Variants in LRRTM4 observed in about 807,000 individuals in gnomAD.
The protein encoded by LRRTM4 is leucine-rich repeat transmembrane neuronal protein 4.
Under a neutral mutation model 47.6 loss-of-function variants are expected in LRRTM4, and 25 were observed. The observed-to-expected ratio is 0.53, with a 90% CI of 0.38 to 0.73. LRRTM4 has a LOEUF of 0.73. Ranked by LOEUF, LRRTM4 falls within the 30% of genes least tolerant of loss-of-function variation. LRRTM4 has a pLI of 0.00. For synonymous variants in LRRTM4, 311 were observed against 269.5 expected (o/e 1.15, Z -1.51); for missense variants, 638 against 713.4 (o/e 0.89, Z 1.20).
intron 3 of LRRTM4, among the ~76,000 whole-genome samples, chr2:76,759,347 CT>C (rs1673170684): frequency 6.6e-6 from 1 of 152,178 alleles, no homozygotes; most frequent in Non-Finnish European, 1.5e-5. Context: ...AGACAATGAG[CT>C]GGACTCACGT....
chr2:76,851,887 C>G (rs1302276047), intron 3 of LRRTM4, among the ~76,000 whole-genome samples: 1 of 151,336 alleles, frequency 6.6e-6, no homozygotes, highest in African/African-American at 2.4e-5. Flanking sequence ...AAATTTTGAC[C>G]CTATTTGTTA....
intron 3 of LRRTM4, among the ~76,000 whole-genome samples, chr2:76,764,500 G>A (rs1436254889): frequency 9.2e-5 from 14 of 152,132 alleles, no homozygotes; most frequent in Middle Eastern, 3.4e-3. Flanking sequence ...GCGTGGTGGC[G>A]GGCGCCTATA....
At chr2:76,937,537 A>T (rs1476208263) in intron 3 of LRRTM4, among the ~76,000 whole-genome samples, 3 of 152,202 alleles carry the variant, frequency 2.0e-5, no homozygotes, top group East Asian at 1.9e-4. Flanking sequence ...GCAAGTTGAC[A>T]GGTAGATCTT....
chr2:77,462,752 A>G (rs1229689653), intron 3 of LRRTM4, among the ~76,000 whole-genome samples: 2 of 152,138 alleles, frequency 1.3e-5, no homozygotes, highest in Non-Finnish European at 2.9e-5. Flanking sequence ...CATCCACCCT[A>G]ATTAGCAATC....
intron 3 of LRRTM4, among the ~76,000 whole-genome samples, chr2:77,140,557 A>ATACCCT: frequency 6.7e-6 from 1 of 150,284 alleles, no homozygotes. Flanking sequence ...TTCAGGACAT[A>ATACCCT]GGCATGGGCA....
chr2:76,859,225 G>T (rs969472016), intron 3 of LRRTM4, among the ~76,000 whole-genome samples: 13 of 152,266 alleles, frequency 8.5e-5, no homozygotes, highest in Admixed American at 2.0e-4. Context: ...GAGTAGGAAA[G>T]ACTGAGTCTG....
chr2:76,957,804 G>A (rs1351562468), intron 3 of LRRTM4, among the ~76,000 whole-genome samples: 1 of 151,504 alleles, frequency 6.6e-6, no homozygotes, highest in Non-Finnish European at 1.5e-5. Context: ...ACACTCACAT[G>A]GTTTTGACAC....
intron 3 of LRRTM4, among the ~76,000 whole-genome samples, chr2:77,223,880 A>C (rs1203984379): frequency 6.6e-6 from 1 of 152,192 alleles, no homozygotes; most frequent in Admixed American, 6.5e-5. Flanking sequence ...ATATGGAACC[A>C]AAAAAGAGCA....
chr2:77,269,518 AC>A (rs1343535311), intron 3 of LRRTM4, among the ~76,000 whole-genome samples: 2 of 152,210 alleles, frequency 1.3e-5, no homozygotes, highest in African/African-American at 4.8e-5. Context: ...ATTATATAAA[AC>A]TTACTGAATT....
At chr2:76,961,381 T>A (rs201972073) in intron 3 of LRRTM4, among the ~76,000 whole-genome samples, 1 of 150,726 alleles carries the variant, frequency 6.6e-6, no homozygotes, top group African/African-American at 2.4e-5. Flanking sequence ...ATCTGTTAGC[T>A]TGCCAATATT....
At chr2:76,824,967 G>A (rs1038570896) in intron 3 of LRRTM4, among the ~76,000 whole-genome samples, 2 of 151,500 alleles carry the variant, frequency 1.3e-5, no homozygotes, top group African/African-American at 4.8e-5. Flanking sequence ...TCCAATTGGG[G>A]TACTGCTTAT....
chr2:77,373,056 C>G lies in LRRTM4; in HGVS notation c.1551+145262G>C, dbSNP rs185518806. On this transcript the variant is annotated intron_variant, in intron 3 of 3. Coordinates refer to ENST00000409884, the MANE Select transcript of LRRTM4 (RefSeq NM_001134745.3). ...ATAAACTCTGATGCAACACTTCCCA[C>G]TCCTCAAAAGCAAACCAACAATTAA... 5.4e-3 allele frequency among the ~76,000 whole-genome samples: 789 copies of G among 145,860 alleles called. 2 individuals carry two copies. The highest frequency in any genetic ancestry group is 0.028 in the Middle Eastern group (8 of 288).
intron 3 of LRRTM4, among the ~76,000 whole-genome samples, chr2:76,917,645 A>C (rs1046231242): frequency 6.6e-6 from 1 of 152,174 alleles, no homozygotes; most frequent in Non-Finnish European, 1.5e-5. Context: ...TGCACACATG[A>C]AGGAGCTAGG....
intron 3 of LRRTM4, among the ~76,000 whole-genome samples, chr2:77,161,551 A>G (rs1004385650): frequency 2.6e-5 from 4 of 152,116 alleles, no homozygotes; most frequent in Non-Finnish European, 4.4e-5. Context: ...AGGTGGTAAC[A>G]GCTTTTCTTC....
In LRRTM4 at chr2:76,865,134, C is replaced by T. The variant is rs1171328152; in HGVS notation, c.1552-116218G>A. Among the ~76,000 whole-genome samples, 3 of 152,078 alleles carry T rather than the reference C, an allele frequency of 2.0e-5. No individual in the cohort carries two copies. The South Asian group carries it at 6.2e-4, about 31-fold the overall frequency. On this transcript the variant is annotated intron_variant, in intron 3 of 3. Coordinates refer to ENST00000409884, the MANE Select transcript of LRRTM4 (RefSeq NM_001134745.3). ...CACAATAAACACTTACGTAACACTT[C>T]GCATACACATTGTTTTAAGAAGTCA...
intron 3 of LRRTM4, among the ~76,000 whole-genome samples, chr2:77,030,223 G>C (rs1476144073): frequency 6.6e-6 from 1 of 152,166 alleles, no homozygotes; most frequent in Non-Finnish European, 1.5e-5. Context: ...ACGAGGTCAG[G>C]AGATCGAGAC....
chr2:77,325,177 C>G (rs1558689039), intron 3 of LRRTM4, among the ~76,000 whole-genome samples: 1 of 152,160 alleles, frequency 6.6e-6, no homozygotes, highest in African/African-American at 2.4e-5. Context: ...CGCCAAAGGA[C>G]TGCCCCCCTT....
chr2:76,851,643 T>G (rs1671998062), intron 3 of LRRTM4, among the ~76,000 whole-genome samples: 1 of 152,094 alleles, frequency 6.6e-6, no homozygotes, highest in East Asian at 1.9e-4. Context: ...CAGGGCTCAA[T>G]TTTCTTATTA....
chr2:77,294,199 G>A (rs771716484), intron 3 of LRRTM4, among the ~76,000 whole-genome samples: 4 of 151,910 alleles, frequency 2.6e-5, no homozygotes, highest in African/African-American at 9.7e-5. Context: ...ACTTCAGATG[G>A]CACGCAGTAT....
Sources: gnomAD v4.1 joint callset for allele counts (sites outside exome capture counted in the v4.1 genomes callset) on GRCh38, gnomAD v4.1.1 for gene constraint, MANE v1.5 for transcripts, NCBI Gene and HGNC (gene_info 2026-07-23, HGNC 2026-07-21) for gene names.